The following SRSF4 variants were observed in gnomAD, a reference collection of about 807,000 sequenced individuals.
SRSF4 encodes the protein serine and arginine rich splicing factor 4, also known as serine/arginine-rich splicing factor 4.
Under a neutral mutation model 48.8 loss-of-function variants are expected in SRSF4, and 12 were observed. The observed-to-expected ratio is 0.25, with a 90% CI of 0.16 to 0.40. SRSF4 has a LOEUF of 0.40. Among genes scored for constraint, SRSF4 ranks in the 10% least tolerant of loss-of-function variants. SRSF4 has a pLI of 1.00. For missense variants in SRSF4, 466 were observed against 667.1 expected, an observed-to-expected ratio of 0.70 and a Z score of 3.32; for synonymous variants, 248 against 232.5, an observed-to-expected ratio of 1.07 and a Z score of -0.61.
chr1:29,179,555 G>A (rs1672923041), intron 1 of SRSF4, among the ~76,000 whole-genome samples: 1 of 152,088 alleles, frequency 6.6e-6, no homozygotes. Flanking sequence ...TAGAGATGGG[G>A]TCAGGCTGGT....
At chr1:29,160,572 T>C (rs1262203998) in intron 1 of SRSF4, 55 bp from the exon 2 acceptor site, 20 of 1,542,612 alleles carry the variant, frequency 1.3e-5, no homozygotes, top group Middle Eastern at 1.7e-4. Context: ...CCAGCTTCAC[T>C]AACATTAAAG....
intron 1 of SRSF4, chr1:29,170,940 A>C (rs1450744574): frequency 6.6e-6 from 1 of 152,214 alleles, no homozygotes; most frequent in African/African-American, 2.4e-5. Flanking sequence ...CATTGCGTGC[A>C]GTTCAGAAAT....
At position 29,149,086 on chromosome 1, in the gene SRSF4, T is replaced by A; in HGVS notation, c.809A>T (p.Lys270Ile). The change falls in exon 6 of 6, where the codon AAA becomes ATA. Residue 270 changes from lysine (K) to isoleucine (I), a missense_variant. Physicochemically the swap from Lys to Ile is moderately radical, Grantham distance 102. Transcript: ENST00000373795. ...TTGGATCTTCTCTTCAGCTTGGTCT[T>A]TGCTCTTGCTGCGGCTCTTGCCAGC... ...HSAGKSRSKSKDQAEEKIQNN... is the reference protein window; with the variant it reads ...HSAGKSRSKSIDQAEEKIQNN... The A allele has an allele frequency of 1.9e-6, 3 of 1,613,994 alleles. No homozygotes were observed. The highest frequency in any genetic ancestry group is 2.5e-6 in the Non-Finnish European group (3 of 1,180,012).
rs140180703 is a variant in SRSF4 at position 29,168,029 on chromosome 1, T to TTTA, written c.108-7513_108-7512insTAA. Among the ~76,000 whole-genome samples the TTTA allele has an allele frequency of 0.036, 5,121 of 140,966 alleles. 432 individuals carry two copies. The East Asian group carries it at 0.36, about 10-fold the overall frequency. 92.5% of individuals were successfully genotyped at this position (140,966 alleles called of 152,430 possible). On this transcript the variant is annotated intron_variant, in intron 1 of 5. Transcript: ENST00000373795. ...TCTAATTCCTTTTTTTTTTTTTTTT[T>TTTA]AAAAAAAACATAGTCTCGCTCTGTC...
At chr1:29,161,181 G>A (rs1406695628) in intron 1 of SRSF4, among the ~76,000 whole-genome samples, 1 of 152,136 alleles carries the variant, frequency 6.6e-6, no homozygotes, top group Non-Finnish European at 1.5e-5. Flanking sequence ...TTCCAGCCAA[G>A]AGGTTTGGTG....
chr1:29,150,295 A>G, intron 4 of SRSF4, 103 bp from the exon 5 acceptor site: 1 of 570,262 alleles, frequency 1.8e-6, no homozygotes, highest in Non-Finnish European at 2.5e-6. Flanking sequence ...ATGGAGTTTC[A>G]CTCTTGTTGC....
chr1:29,170,958 C>CT (rs921613606), intron 1 of SRSF4: 34 of 152,336 alleles, frequency 2.2e-4, no homozygotes, highest in African/African-American at 7.7e-4. Flanking sequence ...AATCTTTAGC[C>CT]TGGGAGACTT....
At chr1:29,177,548 C>G (rs1034102860) in intron 1 of SRSF4, among the ~76,000 whole-genome samples, 3 of 152,070 alleles carry the variant, frequency 2.0e-5, no homozygotes, top group Admixed American at 6.6e-5. Context: ...TCTCAAAGTG[C>G]CGGGGTTACA....
intron 4 of SRSF4, among the ~76,000 whole-genome samples, chr1:29,150,651 C>T (rs1400556229): frequency 1.3e-5 from 2 of 152,196 alleles, no homozygotes; most frequent in African/African-American, 2.4e-5. Flanking sequence ...ACCTGCAAAC[C>T]TTCCATCTGG....
chr1:29,150,960 T>C (rs10493040), intron 4 of SRSF4, among the ~76,000 whole-genome samples: 1,673 of 152,296 alleles, frequency 0.011, 36 homozygotes, highest in African/African-American at 0.038. Context: ...TTACGATCTA[T>C]TCAACTCACT....
Position 29,181,824 on chromosome 1 carries a change from G to C in SRSF4, c.-72C>G. Reference sequence around the variant, plus strand: ...GCGGCGGCGGGCAAAGCGAGAGCACGGCGGCAGCGGCGGCGGCGGCAACGG... The same window carrying C: ...GCGGCGGCGGGCAAAGCGAGAGCACCGCGGCAGCGGCGGCGGCGGCAACGG... On this transcript the variant is annotated 5_prime_UTR_variant, in exon 1 of 6. Coordinates refer to ENST00000373795, the MANE Select transcript of SRSF4 (RefSeq NM_005626.5). The C allele has an allele frequency of 2.4e-6, 3 of 1,267,080 alleles. No individual in the cohort carries two copies. The highest frequency in any genetic ancestry group is 3.1e-6 in the Non-Finnish European group (3 of 976,212). The allele number at this position is 1,267,080 out of a possible 1,614,324, so 78.5% of individuals were successfully genotyped here.
intron 1 of SRSF4, among the ~76,000 whole-genome samples, chr1:29,166,218 G>C (rs1672666976): frequency 1.3e-5 from 2 of 152,190 alleles, no homozygotes; most frequent in Non-Finnish European, 1.5e-5. Context: ...AAACAGCTTT[G>C]TTTCAAAGCA....
intron 1 of SRSF4, chr1:29,165,843 CTCTCTA>C (rs1297874604): frequency 6.6e-6 from 1 of 152,270 alleles, no homozygotes; most frequent in African/African-American, 2.4e-5. Context: ...CTTGGATGGT[CTCTCTA>C]TAAGAAAATA....
rs536311121 is a variant in SRSF4 at position 29,150,709 on chromosome 1, C to T, written c.579-517G>A. Among the ~76,000 whole-genome samples, 158 of 152,274 alleles carry T rather than the reference C, an allele frequency of 1.0e-3. 1 individual carries two copies. Among genetic ancestry groups the T allele is most frequent in the Non-Finnish European group, 2.2e-4 (15 of 68,008 alleles). ...CAGCTCCTGAAATTCTAACTGTCCCCGATGCCGGCTCCTTTTGCTGGGCTC... is the reference window on the plus strand; with the variant it reads ...CAGCTCCTGAAATTCTAACTGTCCCTGATGCCGGCTCCTTTTGCTGGGCTC... On this transcript the variant is annotated intron_variant, in intron 4 of 5. Transcript: ENST00000373795.
intron 1 of SRSF4, among the ~76,000 whole-genome samples, chr1:29,176,489 TAA>T (rs63562760): frequency 2.5e-4 from 35 of 137,586 alleles, no homozygotes; most frequent in Middle Eastern, 3.6e-3. Context: ...CTAAAAACTT[TAA>T]AAAAAAAAAA....
chr1:29,178,235 C>T (rs545663125), intron 1 of SRSF4, among the ~76,000 whole-genome samples: 3 of 152,098 alleles, frequency 2.0e-5, no homozygotes, highest in African/African-American at 4.8e-5. Flanking sequence ...CTAAACTTAA[C>T]TTACAACCCT....
At chr1:29,173,130 C>CTTTTTTTTTTTTTTTTTT (rs71586892) in intron 1 of SRSF4, 1 of 78,558 alleles carries the variant, frequency 1.3e-5, no homozygotes, top group Non-Finnish European at 2.3e-5. Context: ...GTCAAAAAGG[C>CTTTTTTTTTTTTTTTTTT]TTTTTTTTTT....
intron 4 of SRSF4, among the ~76,000 whole-genome samples, chr1:29,151,028 G>C (rs1574188903): frequency 6.6e-6 from 1 of 152,074 alleles, no homozygotes; most frequent in East Asian, 1.9e-4. Context: ...TTTTTTTAAT[G>C]CATCCAGACT....
chr1:29,149,635 C>T (rs191627604), intron 5 of SRSF4, among the ~76,000 whole-genome samples: 11 of 146,402 alleles, frequency 7.5e-5, no homozygotes, highest in African/African-American at 2.3e-4. Context: ...GAGCCGAGAT[C>T]GCGCCACTGC....
Sources: allele counts gnomAD v4.1 joint callset (sites outside exome capture counted in the v4.1 genomes callset), GRCh38; gene constraint gnomAD v4.1.1; transcripts MANE v1.5; gene names NCBI Gene and HGNC (gene_info 2026-07-23, HGNC 2026-07-21).